MDGA2: variants seen among roughly 807,000 people sequenced by gnomAD.
MDGA2 encodes MAM domain-containing glycosylphosphatidylinositol anchor protein 2.
Under a neutral mutation model 117.8 loss-of-function variants are expected in MDGA2, and 40 were observed. The ratio of observed to expected loss-of-function variants is 0.34; its 90% CI spans 0.26 to 0.44. MDGA2 has a LOEUF of 0.44. MDGA2 is among the 20% of genes least tolerant of loss of function. MDGA2 has a pLI of 1.00. For missense variants in MDGA2, 1,123 were observed against 1,250.6 expected, an observed-to-expected ratio of 0.90 and a Z score of 1.54; for synonymous variants, 452 against 439.0, an observed-to-expected ratio of 1.03 and a Z score of -0.37.
chr14:47,522,474 A>G (rs764950277), intron 1 of MDGA2, among the ~76,000 whole-genome samples: 21 of 152,108 alleles, frequency 1.4e-4, no homozygotes, highest in Non-Finnish European at 2.8e-4. Context: ...AATTTTATAC[A>G]TGCAGTTCTG....
chr14:47,474,815 C>T (rs1200672551), intron 1 of MDGA2, among the ~76,000 whole-genome samples: 1 of 152,106 alleles, frequency 6.6e-6, no homozygotes, highest in Non-Finnish European at 1.5e-5. Flanking sequence ...CTTCCTTATA[C>T]CTTATACAAA....
intron 1 of MDGA2, among the ~76,000 whole-genome samples, chr14:47,548,195 T>A (rs1048639069): frequency 2.5e-4 from 38 of 152,214 alleles, no homozygotes; most frequent in Admixed American, 2.2e-3. Flanking sequence ...TCATTTAGTT[T>A]ATTACATAGT....
intron 14 of MDGA2, among the ~76,000 whole-genome samples, chr14:46,867,487 A>G (rs1314779411): frequency 6.6e-6 from 1 of 152,136 alleles, no homozygotes; most frequent in East Asian, 1.9e-4. Flanking sequence ...GCACATGTAT[A>G]CATATGTAAC....
chr14:47,675,343 G>T lies in MDGA2; in HGVS notation c.-547C>A, dbSNP rs1898164598. ...AAGAGGAGGAGGAGGAAGAGGAGGA[G>T]GAGGAAGAGGAGGAGTGGGGCTAGG... On this transcript the variant is annotated 5_prime_UTR_variant, in exon 1 of 17. Transcript: ENST00000399232. Among the ~76,000 whole-genome samples, 1 of 150,062 alleles carries T rather than the reference G, an allele frequency of 6.7e-6. No individual in the cohort carries two copies. The highest frequency in any genetic ancestry group is 2.5e-5 in the African/African-American group (1 of 40,740).
In MDGA2 at chr14:47,207,661, C is replaced by T. The variant is rs953682997; in HGVS notation, c.595+10360G>A. On this transcript the variant is annotated intron_variant, in intron 3 of 16. Coordinates refer to ENST00000399232, the MANE Select transcript of MDGA2 (RefSeq NM_001113498.3). ...GCGCTTAGGGAGGGACACCTGAAAA[C>T]GTTTGAAACAAACCCTTTCATTTAC... 1.1e-4 allele frequency among the ~76,000 whole-genome samples: 16 copies of T among 152,080 alleles called. No homozygotes were observed. In the East Asian group the frequency reaches 2.1e-3, roughly 20 times the overall value.
intron 7 of MDGA2, among the ~76,000 whole-genome samples, chr14:47,041,666 T>C (rs187697992): frequency 2.1e-4 from 32 of 152,194 alleles, no homozygotes; most frequent in African/African-American, 5.3e-4. Flanking sequence ...TTTGAACACA[T>C]TGCTTTTCTG....
chr14:47,307,597 C>T (rs1889494601), intron 1 of MDGA2, among the ~76,000 whole-genome samples: 2 of 151,900 alleles, frequency 1.3e-5, no homozygotes, highest in South Asian at 2.1e-4. Context: ...AGGAGAATTG[C>T]TTGAACCCAG....
intron 1 of MDGA2, among the ~76,000 whole-genome samples, chr14:47,456,805 T>A (rs1295236054): frequency 6.6e-6 from 1 of 152,054 alleles, no homozygotes; most frequent in African/African-American, 2.4e-5. Context: ...ATAGGAGCAA[T>A]AGAAATATAG....
chr14:47,579,522 C>T (rs1479230889), intron 1 of MDGA2, among the ~76,000 whole-genome samples: 1 of 151,754 alleles, frequency 6.6e-6, no homozygotes, highest in African/African-American at 2.4e-5. Context: ...AAGAAATAAT[C>T]CCTAGGAATG....
intron 3 of MDGA2, among the ~76,000 whole-genome samples, chr14:47,152,082 A>G (rs1883184773): frequency 6.6e-6 from 1 of 152,190 alleles, no homozygotes; most frequent in African/African-American, 2.4e-5. Flanking sequence ...AAACACTAGT[A>G]GATTAAAGTC....
At chr14:47,494,476 T>C (rs1338017055) in intron 1 of MDGA2, among the ~76,000 whole-genome samples, 1 of 152,212 alleles carries the variant, frequency 6.6e-6, no homozygotes, top group African/African-American at 2.4e-5. Flanking sequence ...TCTCCCATTC[T>C]TTAGGTTGTC....
chr14:46,921,113 T>C (rs777685606), intron 9 of MDGA2, among the ~76,000 whole-genome samples: 12 of 152,262 alleles, frequency 7.9e-5, no homozygotes, highest in African/African-American at 2.9e-4. Context: ...TACAACAATA[T>C]TTAATGAGAA....
chr14:46,908,211 T>C (rs1165305825), intron 10 of MDGA2, among the ~76,000 whole-genome samples: 2 of 152,152 alleles, frequency 1.3e-5, no homozygotes, highest in East Asian at 3.9e-4. Context: ...CAAAAGCTAT[T>C]TGCAGTGCCT....
chr14:46,944,395 TTATCA>T (rs1360984765), intron 9 of MDGA2, among the ~76,000 whole-genome samples: 1 of 151,962 alleles, frequency 6.6e-6, no homozygotes, highest in Non-Finnish European at 1.5e-5. Flanking sequence ...AATTTTCTCT[TTATCA>T]TTAGTTTTCC....
At chr14:47,487,927 T>C (rs1206649292) in intron 1 of MDGA2, among the ~76,000 whole-genome samples, 1 of 152,120 alleles carries the variant, frequency 6.6e-6, no homozygotes, top group Non-Finnish European at 1.5e-5. Flanking sequence ...TTTTTATGTA[T>C]CATACCAGAA....
At chr14:47,075,941 C>T (rs550696923) in intron 6 of MDGA2, among the ~76,000 whole-genome samples, 5 of 152,100 alleles carry the variant, frequency 3.3e-5, no homozygotes, top group African/African-American at 1.2e-4. Context: ...CTATTCTCCT[C>T]GAATTAAGCT....
intron 6 of MDGA2, among the ~76,000 whole-genome samples, chr14:47,095,500 A>T (rs988656333): frequency 7.2e-5 from 11 of 151,936 alleles, no homozygotes; most frequent in African/African-American, 2.7e-4. Context: ...ACATATTTTA[A>T]AAAAAATCAA....
chr14:47,620,660 C>A (rs930609364), intron 1 of MDGA2, among the ~76,000 whole-genome samples: 1 of 152,036 alleles, frequency 6.6e-6, no homozygotes, highest in African/African-American at 2.4e-5. Context: ...AGAGTATCAA[C>A]AATTTTTAAA....
rs369763543 is a variant in MDGA2, at chr14:47,552,151, T to A, written c.280+122366A>T. ...CTCAATTCAGTGACCCTATATATTG[T>A]AGTTCTCCCAGGATTAGCCCTTGAC... On this transcript the variant is annotated intron_variant, in intron 1 of 16. Transcript: ENST00000399232. 7.9e-5 allele frequency among the ~76,000 whole-genome samples: 12 copies of A among 152,316 alleles called. No individual in the cohort carries two copies. In the East Asian group the frequency reaches 2.3e-3, roughly 29 times the overall value.
Sources: allele counts gnomAD v4.1 joint callset (sites outside exome capture counted in the v4.1 genomes callset), GRCh38; gene constraint gnomAD v4.1.1; transcripts MANE v1.5; gene names NCBI Gene and HGNC (gene_info 2026-07-23, HGNC 2026-07-21).